DENND1A: variants seen among roughly 807,000 people sequenced by gnomAD.
DENND1A encodes DENN domain containing 1A.
DENND1A carries 51 observed loss-of-function variants against 113.7 expected under a neutral mutation model. That is an observed-to-expected ratio of 0.45 (90% confidence interval 0.36 to 0.57). The LOEUF is 0.57. Among genes scored for constraint, DENND1A ranks in the 20% least tolerant of loss-of-function variants. DENND1A has a pLI of 0.00. For synonymous variants in DENND1A, 565 were observed against 570.8 expected (o/e 0.99, Z 0.14); for missense variants, 1,258 against 1,395.9 (o/e 0.90, Z 1.57).
intron 10 of DENND1A, among the ~76,000 whole-genome samples, chr9:123,615,731 T>C (rs1389039584): frequency 1.3e-5 from 2 of 152,162 alleles, no homozygotes; most frequent in African/African-American, 2.4e-5. Flanking sequence ...CATGTGCTGA[T>C]TTGAAGGGTG....
chr9:123,668,989 C>T (rs1260190414), intron 7 of DENND1A, among the ~76,000 whole-genome samples: 1 of 152,078 alleles, frequency 6.6e-6, no homozygotes, highest in East Asian at 1.9e-4. Context: ...TAGCACAGAA[C>T]CTGTTTTTGA....
intron 13 of DENND1A, among the ~76,000 whole-genome samples, chr9:123,463,743 C>T (rs1242463619): frequency 6.6e-6 from 1 of 151,848 alleles, no homozygotes; most frequent in Non-Finnish European, 1.5e-5. Context: ...AACCCCATCT[C>T]TACAAAAATA....
At chr9:123,894,813 T>C (rs564006274) in intron 1 of DENND1A, among the ~76,000 whole-genome samples, 14 of 152,202 alleles carry the variant, frequency 9.2e-5, no homozygotes, top group Non-Finnish European at 1.3e-4. Flanking sequence ...GTCTGTACTT[T>C]AAAATATTCC....
intron 5 of DENND1A, among the ~76,000 whole-genome samples, chr9:123,683,657 G>T (rs746662029): frequency 6.6e-6 from 1 of 152,056 alleles, no homozygotes; most frequent in African/African-American, 2.4e-5. Flanking sequence ...AAGACCTCCT[G>T]GGCTTACTAG....
chr9:123,867,147 C>T (rs79081752), intron 2 of DENND1A, among the ~76,000 whole-genome samples: 173 of 152,126 alleles, frequency 1.1e-3, no homozygotes, highest in African/African-American at 4.0e-3. Flanking sequence ...AGCCTTTGAG[C>T]GGACTGCATG....
chr9:123,638,414 G>C (rs1404059177), intron 9 of DENND1A, among the ~76,000 whole-genome samples: 1 of 152,158 alleles, frequency 6.6e-6, no homozygotes, highest in Non-Finnish European at 1.5e-5. Context: ...ATCTGTGACA[G>C]ACATTACTAA....
intron 3 of DENND1A, among the ~76,000 whole-genome samples, chr9:123,776,956 A>G (rs1410197122): frequency 2.6e-5 from 4 of 152,212 alleles, no homozygotes. Context: ...CAAAGTCCAC[A>G]CAGAATAGCA....
chr9:123,914,993 T>C (rs1854827449), intron 1 of DENND1A, among the ~76,000 whole-genome samples: 1 of 152,070 alleles, frequency 6.6e-6, no homozygotes, highest in Admixed American at 6.6e-5. Context: ...GTTGCCAGGT[T>C]CTGCTGGCCA....
chr9:123,434,130 A>G (rs957424135), intron 19 of DENND1A, among the ~76,000 whole-genome samples: 7 of 152,136 alleles, frequency 4.6e-5, no homozygotes, highest in African/African-American at 1.7e-4. Context: ...GGGTTCAAGC[A>G]ATTCTCCTGC....
At chr9:123,646,058 C>T (rs191009514) in intron 9 of DENND1A, among the ~76,000 whole-genome samples, 4 of 152,328 alleles carry the variant, frequency 2.6e-5, no homozygotes, top group African/African-American at 4.8e-5. Flanking sequence ...GTCTTCATGA[C>T]GTTTACATTC....
chr9:123,851,622 T>C (rs547125491), intron 2 of DENND1A, among the ~76,000 whole-genome samples: 1 of 152,130 alleles, frequency 6.6e-6, no homozygotes, highest in Non-Finnish European at 1.5e-5. Flanking sequence ...CAACTGTTGT[T>C]CCTCAGTGGT....
At chr9:123,869,831 T>C (rs563681493) in intron 2 of DENND1A, among the ~76,000 whole-genome samples, 2 of 151,356 alleles carry the variant, frequency 1.3e-5, no homozygotes, top group East Asian at 3.9e-4. Context: ...CAAGACCCTA[T>C]CTCTACAAAA....
At chr9:123,527,646 G>A (rs1019842060) in intron 13 of DENND1A, among the ~76,000 whole-genome samples, 2 of 152,086 alleles carry the variant, frequency 1.3e-5, no homozygotes, top group African/African-American at 2.4e-5. Context: ...GCACCCATCT[G>A]GAGGACTCAT....
At chr9:123,768,428 C>T (rs1281149410) in intron 4 of DENND1A, among the ~76,000 whole-genome samples, 1 of 152,204 alleles carries the variant, frequency 6.6e-6, no homozygotes, top group Middle Eastern at 3.2e-3. Context: ...ATACTACCCA[C>T]ATATACTCTA....
chr9:123,569,712 G>A (rs1423764970), intron 12 of DENND1A: 1 of 152,294 alleles, frequency 6.6e-6, no homozygotes, highest in Admixed American at 6.5e-5. Context: ...CTGGATGCTG[G>A]TCACAGGTGC....
At chr9:123,788,105 C>G (rs568421197) in intron 3 of DENND1A, among the ~76,000 whole-genome samples, 2 of 152,218 alleles carry the variant, frequency 1.3e-5, no homozygotes, top group South Asian at 4.1e-4. Flanking sequence ...ACACTCAACT[C>G]TAATTGCCAC....
Position 123,746,319 on chromosome 9 carries a change from A to C in DENND1A, c.302+11384T>G, listed in dbSNP as rs559152203. 6.6e-5 allele frequency among the ~76,000 whole-genome samples: 10 copies of C among 152,328 alleles called. No homozygotes were observed. The East Asian group carries it at 1.9e-3, about 29-fold the overall frequency. ...GTATTGTCCACAATTTGCCACTGAAATAACTGAGACAAAAACCAAATGACA... is the reference window on the plus strand; with the variant it reads ...GTATTGTCCACAATTTGCCACTGAACTAACTGAGACAAAAACCAAATGACA... On this transcript the variant is annotated intron_variant, in intron 5 of 23. Coordinates refer to ENST00000394215, the MANE Select transcript of DENND1A (RefSeq NM_001352964.2).
chr9:123,564,321 C>G (rs966978186), intron 12 of DENND1A, among the ~76,000 whole-genome samples: 4 of 152,234 alleles, frequency 2.6e-5, no homozygotes, highest in African/African-American at 9.6e-5. Flanking sequence ...ACCTCTAAGA[C>G]AATCCTATCT....
intron 3 of DENND1A, among the ~76,000 whole-genome samples, chr9:123,773,535 C>A (rs891376401): frequency 6.6e-6 from 1 of 152,092 alleles, no homozygotes; most frequent in East Asian, 1.9e-4. Context: ...ATCTCGAAGA[C>A]CAAATTCAAT....
Sources: gnomAD v4.1 joint callset for allele counts (sites outside exome capture counted in the v4.1 genomes callset) on GRCh38, gnomAD v4.1.1 for gene constraint, MANE v1.5 for transcripts, NCBI Gene and HGNC (gene_info 2026-07-23, HGNC 2026-07-21) for gene names.